STIM1: variants seen among roughly 807,000 people sequenced by gnomAD.
STIM1 encodes the protein stromal interaction molecule 1.
Under a neutral mutation model 74.7 loss-of-function variants are expected in STIM1, and 25 were observed. The ratio of observed to expected loss-of-function variants is 0.33; its 90% CI spans 0.24 to 0.47. STIM1 has a LOEUF of 0.47. Ranked by LOEUF, STIM1 falls within the 20% of genes least tolerant of loss-of-function variation. The pLI, the probability that STIM1 is intolerant of heterozygous loss-of-function variation, is 1.00. For synonymous variants in STIM1, 328 were observed against 348.8 expected (o/e 0.94, Z 0.66); for missense variants, 728 against 920.8 (o/e 0.79, Z 2.71).
Position 3,991,626 on chromosome 11 carries a change from A to G in STIM1, c.270+23944A>G, listed in dbSNP as rs138020855. 1.5e-3 allele frequency among the ~76,000 whole-genome samples: 223 copies of G among 152,064 alleles called. 3 individuals carry two copies. Among genetic ancestry groups the G allele is most frequent in the African/African-American group, 5.1e-3 (213 of 41,494 alleles). On this transcript the variant is annotated intron_variant, in intron 2 of 12. Transcript: ENST00000526596. ...TAATGGAATTGCTGGATCGAATGGT[A>G]GTTCTATTTTTAGTACTCTTAGAAA...
intron 1 of STIM1, among the ~76,000 whole-genome samples, chr11:3,906,889 A>G (rs1297818686): frequency 6.6e-6 from 1 of 152,224 alleles, no homozygotes; most frequent in Admixed American, 6.5e-5. Flanking sequence ...AGATAAGAAA[A>G]TTGAGGGTAA....
chr11:3,913,110 G>A (rs2092591246), intron 1 of STIM1, among the ~76,000 whole-genome samples: 1 of 152,168 alleles, frequency 6.6e-6, no homozygotes. Context: ...CACTGTATTT[G>A]AGGGTCTCTT....
At chr11:3,907,901 A>T (rs1041649765) in intron 1 of STIM1, among the ~76,000 whole-genome samples, 13 of 152,222 alleles carry the variant, frequency 8.5e-5, no homozygotes, top group African/African-American at 2.9e-4. Flanking sequence ...TGCATGGCTC[A>T]TGCCTTATTT....
chr11:3,913,131 G>T lies in STIM1; in HGVS notation c.140-54421G>T, dbSNP rs766586951. On this transcript the variant is annotated intron_variant, in intron 1 of 12. Transcript: ENST00000526596. The stretch of plus-strand genomic sequence containing the variant: ...ATTTGAGGGTCTCTTAGTTACAGCA[G>T]CTTTATCTGTATCCTGACCAGTACA... 2.6e-4 allele frequency among the ~76,000 whole-genome samples: 40 copies of T among 152,102 alleles called. 2 individuals are homozygous for T. Among genetic ancestry groups the T allele is most frequent in the Non-Finnish European group, 1.0e-4 (7 of 68,020 alleles).
chr11:4,067,630 G>C (rs896580702), intron 5 of STIM1, among the ~76,000 whole-genome samples: 3 of 152,204 alleles, frequency 2.0e-5, no homozygotes, highest in African/African-American at 7.2e-5. Flanking sequence ...CCCAGCTCTA[G>C]CAAGTTAGTG....
intron 1 of STIM1, among the ~76,000 whole-genome samples, chr11:3,925,858 A>G (rs902269908): frequency 1.3e-5 from 2 of 152,236 alleles, no homozygotes; most frequent in Admixed American, 6.5e-5. Flanking sequence ...TGTTTTGCTG[A>G]CATCTGATTT....
intron 2 of STIM1, among the ~76,000 whole-genome samples, chr11:3,984,391 A>T (rs78491090): frequency 1.0e-3 from 152 of 152,252 alleles, no homozygotes; most frequent in African/African-American, 3.6e-3. Context: ...CAAAGCATGG[A>T]TTGAAGTCTG....
In STIM1 at chr11:3,940,732, C is replaced by T. The variant is rs377698408; in HGVS notation, c.140-26820C>T. On this transcript the variant is annotated intron_variant, in intron 1 of 12. Transcript: ENST00000526596. ...GAAAGAGAAAAGGGGGGATGGCAAG[C>T]CATGAATGAAGGAACAGGTCCCACA... Among the ~76,000 whole-genome samples, 10 of 152,126 alleles carry T rather than the reference C, an allele frequency of 6.6e-5. No individual in the cohort carries two copies. The East Asian group carries it at 1.3e-3, about 21-fold the overall frequency.
At chr11:3,964,950 T>C (rs1276345352) in intron 1 of STIM1, among the ~76,000 whole-genome samples, 1 of 152,180 alleles carries the variant, frequency 6.6e-6, no homozygotes, top group Non-Finnish European at 1.5e-5. Context: ...GTCTTTTAAC[T>C]CTGGGGCTCA....
intron 1 of STIM1, among the ~76,000 whole-genome samples, chr11:3,963,665 AACCTGGCTTTTTGTTGCTGTTGGGG>A (rs1242344211): frequency 1.3e-5 from 2 of 152,254 alleles, no homozygotes; most frequent in Admixed American, 6.5e-5. Context: ...TCTTATCAAG[AACCTGGCTTTTTGTTGCTGTTGGGG>A]ACATGGTACC....
At chr11:3,997,958 T>C (rs532616530) in intron 2 of STIM1, among the ~76,000 whole-genome samples, 1 of 152,330 alleles carries the variant, frequency 6.6e-6, no homozygotes, top group South Asian at 2.1e-4. Context: ...ACATGGACTT[T>C]ATATAGCAAG....
rs754103800 is a variant in STIM1, at chr11:4,086,727, C to T, written c.1634+184C>T. 4.5e-5 allele frequency: 69 copies of T among 1,537,708 alleles called. No homozygotes were observed. Among genetic ancestry groups the T allele is most frequent in the Non-Finnish European group, 5.9e-5 (68 of 1,146,934 alleles). ...TCACCACTACCACCACCACCACCAC[C>T]ACCTTCACCACCGTCCATGTCCACC... On this transcript the variant is annotated intron_variant, in intron 12 of 12. Transcript: ENST00000526596.
At chr11:4,032,467 G>A (rs1310637419) in intron 3 of STIM1, among the ~76,000 whole-genome samples, 4 of 152,136 alleles carry the variant, frequency 2.6e-5, no homozygotes, top group Admixed American at 6.5e-5. Flanking sequence ...TTTCAATCAG[G>A]TAGTGTTAGC....
chr11:3,911,196 A>G (rs2092557053), intron 1 of STIM1, among the ~76,000 whole-genome samples: 2 of 152,150 alleles, frequency 1.3e-5, no homozygotes, highest in African/African-American at 4.8e-5. Flanking sequence ...GTTGGCTGCC[A>G]GAATCTTCTA....
chr11:4,051,342 T>G (rs1234795815), intron 3 of STIM1, among the ~76,000 whole-genome samples: 2 of 146,232 alleles, frequency 1.4e-5, no homozygotes, highest in African/African-American at 4.9e-5. Flanking sequence ...TAATGGTAAA[T>G]TGTCTTTTTT....
intron 1 of STIM1, among the ~76,000 whole-genome samples, chr11:3,878,685 T>C (rs1317591686): frequency 6.6e-6 from 1 of 152,160 alleles, no homozygotes; most frequent in Non-Finnish European, 1.5e-5. Flanking sequence ...AGAGCAGGGC[T>C]TATGTCTTAC....
chr11:4,068,286 G>C (rs563106212), intron 5 of STIM1, among the ~76,000 whole-genome samples: 3 of 152,160 alleles, frequency 2.0e-5, no homozygotes, highest in African/African-American at 7.2e-5. Flanking sequence ...GAAATAACTA[G>C]GCTCAATCTG....
chr11:4,016,833 G>A (rs2093902636), intron 2 of STIM1, among the ~76,000 whole-genome samples: 1 of 152,210 alleles, frequency 6.6e-6, no homozygotes, highest in Non-Finnish European at 1.5e-5. Context: ...AGACTGCTGT[G>A]CTAGCAGCAA....
chr11:3,944,798 C>A (rs1275819806), intron 1 of STIM1, among the ~76,000 whole-genome samples: 1 of 152,184 alleles, frequency 6.6e-6, no homozygotes, highest in Non-Finnish European at 1.5e-5. Flanking sequence ...CTAATCAGAG[C>A]AGGAGTGTAG....
Sources: allele counts gnomAD v4.1 joint callset (sites outside exome capture counted in the v4.1 genomes callset), GRCh38; gene constraint gnomAD v4.1.1; transcripts MANE v1.5; gene names NCBI Gene and HGNC (gene_info 2026-07-23, HGNC 2026-07-21).